ZNF124: variants seen among roughly 807,000 people sequenced by gnomAD.
The protein encoded by ZNF124 is zinc finger protein HZF-16.
ZNF124 carries 25 observed loss-of-function variants against 26.6 expected under a neutral mutation model. That is an observed-to-expected ratio of 0.94 (90% CI 0.68 to 1.31). ZNF124 has a LOEUF of 1.31. Among genes scored for constraint, ZNF124 ranks in the 40% most tolerant of loss-of-function variants. The probability of loss-of-function intolerance (pLI) is 0.00; values close to 1 mark genes in which losing one functional copy is unlikely to be tolerated. For synonymous variants in ZNF124, 129 were observed against 133.3 expected (o/e 0.97, Z 0.22); for missense variants, 444 against 422.2 (o/e 1.05, Z -0.45).
At chr1:247,132,032 G>A (rs1219143717) in intron 3 of ZNF124, among the ~76,000 whole-genome samples, 1 of 152,152 alleles carries the variant, frequency 6.6e-6, no homozygotes, top group Admixed American at 6.5e-5. Context: ...ACTGGCATCC[G>A]GTTGGTGTCC....
intron 3 of ZNF124, among the ~76,000 whole-genome samples, chr1:247,124,995 C>G (rs927702687): frequency 6.6e-6 from 1 of 152,022 alleles, no homozygotes; most frequent in South Asian, 2.1e-4. Flanking sequence ...TTAGTACAGA[C>G]GAGCTCTCAT....
In ZNF124 at chr1:247,157,096, T is replaced by C. The variant is rs1436862532; in HGVS notation, c.526A>G (p.Lys176Glu). 4 of 1,614,060 alleles carry C rather than the reference T, an allele frequency of 2.5e-6. No homozygotes were observed. The highest frequency in any genetic ancestry group is 2.7e-5 in the African/African-American group (2 of 74,918). The change falls in exon 4 of 4, where the codon AAA (lysine) becomes GAA (glutamate). Residue 176 changes from lysine (K) to glutamate (E), a missense_variant. Physicochemically the swap from Lys to Glu is moderately conservative, Grantham distance 56. Coordinates refer to ENST00000543802, the MANE Select transcript of ZNF124 (RefSeq NM_001297568.2). ...NRHKRIHTGE[K>E]RYECKQCGKA... ...CCACATTGCTTACATTCATAGCGTT[T>C]TTCTCCAGTGTGAATCCTTTTATGT... is the stretch of plus-strand genomic sequence containing the variant.
rs763658365 is a variant in ZNF124, at chr1:247,161,738, AAAT to A, written c.31-1928_31-1926del. Reference sequence around the variant, plus strand: ...CCATTTTCTTGGTAATAAAACAGCCAAATAATATGGCATATTACTATAATAATA... The same window carrying A: ...CCATTTTCTTGGTAATAAAACAGCCAAATATGGCATATTACTATAATAATA... On this transcript the variant is annotated intron_variant, in intron 1 of 3. Transcript: ENST00000543802. Among the ~76,000 whole-genome samples the A allele has an allele frequency of 1.9e-3, 281 of 151,592 alleles. 1 individual carries two copies. Among genetic ancestry groups the A allele is most frequent in the Non-Finnish European group, 3.1e-3 (213 of 67,904 alleles).
Position 247,156,487 on chromosome 1 carries a change from T to A in ZNF124, c.*79A>T. Reference sequence around the variant, plus strand: ...GGAAATCTGGGAAAATTAAGTACTTTCCTACACCTTACATTCACAGTTTCT... The same window carrying A: ...GGAAATCTGGGAAAATTAAGTACTTACCTACACCTTACATTCACAGTTTCT... On this transcript the variant is annotated 3_prime_UTR_variant, in exon 4 of 4. Coordinates refer to ENST00000543802, the MANE Select transcript of ZNF124 (RefSeq NM_001297568.2). 2 of 1,431,192 alleles carry A rather than the reference T, an allele frequency of 1.4e-6. No homozygotes were observed. Among genetic ancestry groups the A allele is most frequent in the Non-Finnish European group, 9.2e-7 (1 of 1,091,882 alleles). 88.7% of individuals were successfully genotyped at this position (1,431,192 alleles called of 1,614,324 possible).
chr1:247,159,203 T>C (rs912169052), intron 2 of ZNF124, 137 bp from the exon 3 acceptor site: 1 of 706,586 alleles, frequency 1.4e-6, no homozygotes, highest in Non-Finnish European at 2.3e-6. Flanking sequence ...TATGGCAACA[T>C]TGTTTGTGTT....
At chr1:247,136,127 A>T (rs1328750482) in intron 3 of ZNF124, among the ~76,000 whole-genome samples, 1 of 152,180 alleles carries the variant, frequency 6.6e-6, no homozygotes, top group Non-Finnish European at 1.5e-5. Context: ...TAAGACAAGG[A>T]TGACCTCTCT....
chr1:247,166,685 AAC>A (rs1373073235), intron 1 of ZNF124, among the ~76,000 whole-genome samples: 2 of 152,250 alleles, frequency 1.3e-5, no homozygotes, highest in African/African-American at 4.8e-5. Context: ...AATGTCTAGA[AAC>A]ACACAGTGTA....
intron 3 of ZNF124, among the ~76,000 whole-genome samples, chr1:247,149,366 AATC>A (rs574311977): frequency 9.9e-5 from 15 of 152,262 alleles, no homozygotes; most frequent in Non-Finnish European, 2.2e-4. Context: ...AAGGAAATAA[AATC>A]AGTATCTCAG....
chr1:247,144,431 T>G (rs77073192), intron 3 of ZNF124, among the ~76,000 whole-genome samples: 7,765 of 152,304 alleles, frequency 0.051, 244 homozygotes, highest in African/African-American at 0.079. Context: ...CAAACTAGGC[T>G]TGGGGCAGTT....
At chr1:247,134,837 C>T (rs1210288222) in intron 3 of ZNF124, among the ~76,000 whole-genome samples, 8 of 152,160 alleles carry the variant, frequency 5.3e-5, no homozygotes, top group Non-Finnish European at 5.9e-5. Flanking sequence ...CTCAAATCAA[C>T]CACATAATTG....
At chr1:247,166,923 C>T (rs1257440353) in intron 1 of ZNF124, among the ~76,000 whole-genome samples, 1 of 152,088 alleles carries the variant, frequency 6.6e-6, no homozygotes, top group African/African-American at 2.4e-5. Context: ...TTTAGCAGCA[C>T]AGTAAAAGGA....
chr1:247,159,976 GTTCTTTTT>G, intron 1 of ZNF124, 163 bp from the exon 2 acceptor site: 6 of 246,190 alleles, frequency 2.4e-5, no homozygotes, highest in Non-Finnish European at 4.0e-5. Flanking sequence ...CCACATAGCA[GTTCTTTTT>G]TTTTTTTTTT....
chr1:247,126,356 G>A (rs1393664407), intron 3 of ZNF124, among the ~76,000 whole-genome samples: 2 of 88,412 alleles, frequency 2.3e-5, no homozygotes, highest in Non-Finnish European at 4.5e-5. Flanking sequence ...ACCCAATCAG[G>A]GGCACCGGGG....
intron 3 of ZNF124, among the ~76,000 whole-genome samples, chr1:247,137,968 A>T (rs1225905334): frequency 1.3e-5 from 2 of 152,194 alleles, no homozygotes; most frequent in Non-Finnish European, 2.9e-5. Flanking sequence ...GATGTTGGTG[A>T]GGCTGTGGGG....
intron 3 of ZNF124, among the ~76,000 whole-genome samples, chr1:247,125,430 C>CA (rs1672188265): frequency 2.3e-5 from 1 of 43,306 alleles, no homozygotes; most frequent in Non-Finnish European, 4.3e-5. Flanking sequence ...CTGTTTTTGT[C>CA]TTTTTTTTTT....
chr1:247,151,621 C>T (rs1215926422), downstream of ZNF124, among the ~76,000 whole-genome samples: 4 of 152,024 alleles, frequency 2.6e-5, no homozygotes, highest in African/African-American at 7.2e-5. Flanking sequence ...GCTGAAGAGA[C>T]GTAAACATAC....
At position 247,156,597 on chromosome 1, in the gene ZNF124, C is replaced by T. The variant is rs370326498; in HGVS notation, c.1025G>A (p.Gly342Glu). The T allele has an allele frequency of 1.9e-6, 3 of 1,554,066 alleles. No individual in the cohort carries two copies. The highest frequency in any genetic ancestry group is 2.8e-5 in the African/African-American group (2 of 72,086). ...TLWKHKKTHT[G>E]EKPYKCKKM ...TTTTTTACATTTATAGGGCTTTTCT[C>T]CAGTATGAGTTTTTTTATGCTTCCA... Residue 342 changes from glycine (G) to glutamate (E), a missense_variant, in exon 4 of 4, where the codon GGA (glycine) becomes GAA (glutamate). By Grantham distance (98) the Gly-to-Glu change is moderately conservative. Transcript: ENST00000543802.
At chr1:247,128,022 C>G (rs1455463704) in intron 3 of ZNF124, among the ~76,000 whole-genome samples, 2 of 152,220 alleles carry the variant, frequency 1.3e-5, no homozygotes, top group African/African-American at 2.4e-5. Flanking sequence ...ATTCCCCAGC[C>G]TAACTCTTCT....
intron 3 of ZNF124, among the ~76,000 whole-genome samples, chr1:247,137,487 CAAAAAAAAAAAAAA>C (rs56926662): frequency 1.2e-5 from 1 of 81,634 alleles, no homozygotes; most frequent in Non-Finnish European, 2.4e-5. Flanking sequence ...ACTAAAAATA[CAAAAAAAAAAAAAA>C]AAAAAAAAAG....
Sources: allele counts gnomAD v4.1 joint callset (sites outside exome capture counted in the v4.1 genomes callset), GRCh38; gene constraint gnomAD v4.1.1; transcripts MANE v1.5; gene names NCBI Gene and HGNC (gene_info 2026-07-23, HGNC 2026-07-21).